ONECUT1: variants seen among roughly 807,000 people sequenced by gnomAD.
The protein encoded by ONECUT1 is one cut homeobox 1, also known as hepatocyte nuclear factor 6.
A neutral mutation model predicts 25.6 loss-of-function variants in ONECUT1; 12 were observed. That is an observed-to-expected ratio of 0.47 (90% confidence interval 0.30 to 0.76). The LOEUF is 0.76. Ranked by LOEUF, ONECUT1 falls within the 30% of genes least tolerant of loss-of-function variation. ONECUT1 has a pLI of 0.07. For missense variants in ONECUT1, 620 were observed against 651.2 expected (o/e 0.95, Z 0.52); for synonymous variants, 285 against 270.2 (o/e 1.05, Z -0.54).
At chr15:52,783,464 C>A (rs568412581) in intron 1 of ONECUT1, among the ~76,000 whole-genome samples, 1 of 152,324 alleles carries the variant, frequency 6.6e-6, no homozygotes, top group East Asian at 1.9e-4. Context: ...CCTACCGGGG[C>A]GAAGAGAAAT....
At position 52,757,539 on chromosome 15, in the gene ONECUT1, G is replaced by A; in HGVS notation, c.*16C>T. ...TTAAAGCTTTTCCACCGAGGTTTTA[G>A]TTTGTGGTTCTTCCTTCATGCTTTG... On this transcript the variant is annotated 3_prime_UTR_variant, in exon 2 of 2. Coordinates refer to ENST00000305901, the MANE Select transcript of ONECUT1 (RefSeq NM_004498.4). The A allele has an allele frequency of 1.3e-6, 2 of 1,588,160 alleles. No individual in the cohort carries two copies. The highest frequency in any genetic ancestry group is 1.7e-6 in the Non-Finnish European group (2 of 1,168,442).
chr15:52,786,571 T>C (rs2083876140), intron 1 of ONECUT1, among the ~76,000 whole-genome samples: 1 of 152,262 alleles, frequency 6.6e-6, no homozygotes, highest in Non-Finnish European at 1.5e-5. Context: ...GATAGCCTCC[T>C]GGGTGCCACA....
chr15:52,767,078 C>T (rs531722611), intron 1 of ONECUT1, among the ~76,000 whole-genome samples: 1 of 152,172 alleles, frequency 6.6e-6, no homozygotes, highest in Non-Finnish European at 1.5e-5. Context: ...CACTGTTATT[C>T]TCTCTCTAGT....
intron 1 of ONECUT1, among the ~76,000 whole-genome samples, chr15:52,768,078 G>A (rs1413244557): frequency 6.6e-6 from 1 of 152,068 alleles, no homozygotes; most frequent in Non-Finnish European, 1.5e-5. Context: ...ATGCTTAATG[G>A]GTACAAAAAT....
intron 1 of ONECUT1, among the ~76,000 whole-genome samples, chr15:52,781,751 A>G (rs1375597030): frequency 1.3e-5 from 2 of 152,222 alleles, no homozygotes; most frequent in Non-Finnish European, 1.5e-5. Context: ...TCCTGTACCA[A>G]TTACATCAAA....
chr15:52,767,337 T>C (rs774514907), intron 1 of ONECUT1, among the ~76,000 whole-genome samples: 8 of 152,174 alleles, frequency 5.3e-5, no homozygotes, highest in Non-Finnish European at 7.4e-5. Context: ...TCAGTTCTTC[T>C]CTCCACAAGG....
intron 1 of ONECUT1, among the ~76,000 whole-genome samples, chr15:52,760,360 G>C (rs1017344922): frequency 6.6e-6 from 1 of 152,188 alleles, no homozygotes; most frequent in African/African-American, 2.4e-5. Context: ...GTTTGAGTCA[G>C]CCCGTGTGGA....
Position 52,790,260 on chromosome 15 carries a change from G to C in ONECUT1, c.-376C>G, listed in dbSNP as rs929268314. Among the ~76,000 whole-genome samples, 1 of 150,880 alleles carries C rather than the reference G, an allele frequency of 6.6e-6. No individual in the cohort carries two copies. On this transcript the variant is annotated 5_prime_UTR_variant, in exon 1 of 2. Coordinates refer to ENST00000305901, the MANE Select transcript of ONECUT1 (RefSeq NM_004498.4). ...AAATTCTGAGGTCTCCGGCTCCCCT[G>C]CCGCGGCCCGCGCGCCTGCCGCGTC... is the stretch of plus-strand genomic sequence containing the variant.
intron 1 of ONECUT1, among the ~76,000 whole-genome samples, chr15:52,773,242 GAA>G (rs1050360982): frequency 5.7e-4 from 61 of 106,750 alleles, no homozygotes; most frequent in African/African-American, 1.9e-3. Context: ...CAGAGAGAGA[GAA>G]AGAGAGAGAG....
intron 1 of ONECUT1, among the ~76,000 whole-genome samples, chr15:52,765,679 A>T (rs1213014802): frequency 6.6e-6 from 1 of 152,218 alleles, no homozygotes; most frequent in Non-Finnish European, 1.5e-5. Context: ...TGTGGAGATT[A>T]AAGAGCCTTT....
intron 1 of ONECUT1, among the ~76,000 whole-genome samples, chr15:52,776,355 G>A (rs2083800702): frequency 6.6e-6 from 1 of 151,804 alleles, no homozygotes; most frequent in African/African-American, 2.4e-5. Context: ...GAAGCAAGGA[G>A]CCTGTTCCAT....
At chr15:52,781,972 A>C (rs1246943393) in intron 1 of ONECUT1, among the ~76,000 whole-genome samples, 1 of 152,254 alleles carries the variant, frequency 6.6e-6, no homozygotes, top group Non-Finnish European at 1.5e-5. Flanking sequence ...GTTGTACTTT[A>C]GGGTCTAGTT....
chr15:52,765,022 C>T (rs1025474737), intron 1 of ONECUT1, among the ~76,000 whole-genome samples: 4 of 152,198 alleles, frequency 2.6e-5, no homozygotes, highest in African/African-American at 9.6e-5. Context: ...TACCCAGATT[C>T]CTGATGGGCT....
chr15:52,785,960 C>G (rs2083872107), intron 1 of ONECUT1: 1 of 152,200 alleles, frequency 6.6e-6, no homozygotes, highest in South Asian at 2.1e-4. Context: ...GAGAAGCCAC[C>G]ACTCTCCCGC....
chr15:52,787,653 A>AGGGGGGGGGGGGGGGGGGGGG, intron 1 of ONECUT1: 1 of 89,764 alleles, frequency 1.1e-5, no homozygotes, highest in Non-Finnish European at 2.3e-5. Context: ...GTGGGGGGGG[A>AGGGGGGGGGGGGGGGGGGGGG]GGGGGCATGG....
intron 1 of ONECUT1, 77 bp from the exon 2 acceptor site, chr15:52,757,924 T>C (rs2083683776): frequency 2.0e-6 from 3 of 1,491,432 alleles, no homozygotes; most frequent in South Asian, 2.7e-5. Context: ...GCTCATAAAA[T>C]TTGTTAGCCA....
chr15:52,759,374 C>A (rs1412180155), intron 1 of ONECUT1, among the ~76,000 whole-genome samples: 1 of 152,140 alleles, frequency 6.6e-6, no homozygotes, highest in Non-Finnish European at 1.5e-5. Flanking sequence ...CTTCAGGTGC[C>A]ATTGGTACAA....
At position 52,788,713 on chromosome 15, in the gene ONECUT1, C is replaced by T; in HGVS notation, c.1105+67G>A. The T allele has an allele frequency of 1.3e-6, 2 of 1,519,920 alleles. No individual in the cohort carries two copies. The highest frequency in any genetic ancestry group is 2.7e-5 in the African/African-American group (2 of 73,442). The allele number at this position is 1,519,920 out of a possible 1,614,324, so 94.2% of individuals were successfully genotyped here. A position where few individuals can be genotyped will look rare whatever the true frequency, so the allele number is the denominator to read the frequency against. ...GCACCCAGCCCTCTCTCCTACCCTT[C>T]CTCCTTTGGTCCCTTCGGCTTTCGT... is the stretch of plus-strand genomic sequence containing the variant. On this transcript the variant is annotated intron_variant, in intron 1 of 1. Transcript: ENST00000305901. This position sits in a 1 kb window ranked among gnomAD's most constrained non-coding sequence, Gnocchi z 4.3.
In ONECUT1 at chr15:52,766,216, G is replaced by A. The variant is rs997107839; in HGVS notation, c.1106-8369C>T. Among the ~76,000 whole-genome samples the A allele has an allele frequency of 4.6e-5, 7 of 151,110 alleles. No homozygotes were observed. In the South Asian group the frequency reaches 1.3e-3, roughly 27 times the overall value. On this transcript the variant is annotated intron_variant, in intron 1 of 1. Transcript: ENST00000305901. ...GTGATCCCCACAAAACTCAGGTGAG[G>A]TAGAAATAGGTATTCTTCCTTTTTT...
Sources: allele counts gnomAD v4.1 joint callset (sites outside exome capture counted in the v4.1 genomes callset), GRCh38; gene constraint gnomAD v4.1.1; non-coding constraint Gnocchi (gnomAD v3.1); transcripts MANE v1.5; gene names NCBI Gene and HGNC (gene_info 2026-07-23, HGNC 2026-07-21).